Variants in SLC20A2 observed in about 807,000 individuals in gnomAD.
The protein encoded by SLC20A2 is solute carrier family 20 member 2, also known as sodium-dependent phosphate transporter 2.
Under a neutral mutation model 61.0 loss-of-function variants are expected in SLC20A2, and 30 were observed. That is an observed-to-expected ratio of 0.49 (90% CI 0.37 to 0.67). The LOEUF is 0.67. Among genes scored for constraint, SLC20A2 ranks in the 30% least tolerant of loss-of-function variants. The pLI is 0.00. For missense variants in SLC20A2, 626 were observed against 866.4 expected, an observed-to-expected ratio of 0.72 and a Z score of 3.48; for synonymous variants, 351 against 353.3, an observed-to-expected ratio of 0.99 and a Z score of 0.07.
At chr8:42,522,917 G>A (rs1811678197) in intron 1 of SLC20A2, among the ~76,000 whole-genome samples, 2 of 142,652 alleles carry the variant, frequency 1.4e-5, no homozygotes. Context: ...GGTGGGGGGG[G>A]TCTCTCTGTG....
chr8:42,464,442 G>A (rs1209409322), intron 3 of SLC20A2, among the ~76,000 whole-genome samples: 1 of 151,884 alleles, frequency 6.6e-6, no homozygotes, highest in African/African-American at 2.4e-5. Context: ...GTTGAAGGCA[G>A]GGACATAACA....
chr8:42,455,237 A>AT (rs1194959482), intron 5 of SLC20A2, among the ~76,000 whole-genome samples: 122 of 101,072 alleles, frequency 1.2e-3, no homozygotes, highest in Non-Finnish European at 1.6e-3. Flanking sequence ...AAAAAAAAAA[A>AT]AAAAATATAT....
In SLC20A2 at chr8:42,437,055, A is replaced by C; in HGVS notation, c.1457T>G (p.Leu486Arg). 2 of 1,614,122 alleles carry C rather than the reference A, an allele frequency of 1.2e-6. No individual in the cohort carries two copies. The highest frequency in any genetic ancestry group is 1.7e-6 in the Non-Finnish European group (2 of 1,180,022). ...EEKDAPEVHL[L>R]FHFLQVLTAC... ...GGTGAGGACCTGCAGGAAATGGAAC[A>C]GGAGGTGAACCTCGGGTGCGTCCTT... The change falls in exon 8 of 11, where the codon CTG becomes CGG. Residue 486 changes from leucine to arginine, a missense_variant. This residue lies in a region of SLC20A2 where 361 missense variants were observed against 422.3 expected (regional missense o/e 0.85). Transcript: ENST00000520262. This position sits in a 1 kb window ranked among gnomAD's most constrained non-coding sequence, Gnocchi z 6.4.
rs1408952533 is a variant in SLC20A2, at chr8:42,437,665, G to A, written c.935-88C>T. On this transcript the variant is annotated intron_variant, in intron 7 of 10. Transcript: ENST00000520262. This position sits in a 1 kb window ranked among gnomAD's most constrained non-coding sequence, Gnocchi z 6.4. ...GACGGAGCCTTGCTCTGTCCTCAGG[G>A]TGGAGTACAATGGCGCAATCTCGGC... The A allele has an allele frequency of 4.3e-6, 5 of 1,153,980 alleles. No individual in the cohort carries two copies. The highest frequency in any genetic ancestry group is 1.7e-5 in the South Asian group (1 of 58,194). 71.5% of individuals were successfully genotyped at this position (1,153,980 alleles called of 1,614,324 possible).
intron 1 of SLC20A2, among the ~76,000 whole-genome samples, chr8:42,494,724 T>C (rs1563522749): frequency 6.6e-6 from 1 of 152,248 alleles, no homozygotes; most frequent in Non-Finnish European, 1.5e-5. Flanking sequence ...TTTATTCAAC[T>C]ATTAGGTCCA....
chr8:42,514,355 A>C (rs1180415975), intron 1 of SLC20A2, among the ~76,000 whole-genome samples: 1 of 152,234 alleles, frequency 6.6e-6, no homozygotes, highest in Non-Finnish European at 1.5e-5. Context: ...AACAGAGACT[A>C]GGGGAGAACT....
chr8:42,527,036 C>CG (rs1812007900), intron 1 of SLC20A2, among the ~76,000 whole-genome samples: 2 of 149,544 alleles, frequency 1.3e-5, no homozygotes, highest in African/African-American at 4.9e-5. Context: ...GCCTGAGAAT[C>CG]GAGGCTGCAG....
intron 10 of SLC20A2, among the ~76,000 whole-genome samples, chr8:42,424,158 CTG>C (rs2130933941): frequency 6.6e-6 from 1 of 152,358 alleles, no homozygotes; most frequent in East Asian, 1.9e-4. Context: ...ACATGAGCAA[CTG>C]TGCTCAGTAG....
intron 1 of SLC20A2, among the ~76,000 whole-genome samples, chr8:42,490,188 AT>A (rs1471964706): frequency 1.3e-5 from 2 of 152,222 alleles, no homozygotes; most frequent in African/African-American, 4.8e-5. Context: ...TACAATAAAA[AT>A]ATAAACTTAA....
chr8:42,512,269 C>T (rs1379687830), intron 1 of SLC20A2, among the ~76,000 whole-genome samples: 5 of 151,590 alleles, frequency 3.3e-5, no homozygotes, highest in African/African-American at 9.7e-5. Flanking sequence ...GTTTCCCAAA[C>T]TAAGAACCTT....
In SLC20A2 at chr8:42,472,333, A is replaced by G. The variant is rs115993270; in HGVS notation, c.58T>C (p.Leu20=). 4.7e-3 allele frequency: 7,666 copies of G among 1,614,246 alleles called. 44 individuals carry two copies. The highest frequency in any genetic ancestry group is 0.021 in the South Asian group (1,957 of 91,086). The change falls in exon 2 of 11, where the codon TTG becomes CTG. Residue 20 remains leucine (L), a synonymous_variant. Transcript: ENST00000520262. This position sits in a 1 kb window ranked among gnomAD's most constrained non-coding sequence, Gnocchi z 4.1. ...TCGTTTGCACCAACAGAAAAGGCCA[A>G]GATGAAAGCTATGATGAAACCCAAA... The part of the protein sequence containing the change: ...VILGFIIAFI[L]AFSVGANDVA...
At chr8:42,424,949 G>A (rs1439645310) in intron 10 of SLC20A2, among the ~76,000 whole-genome samples, 1 of 152,096 alleles carries the variant, frequency 6.6e-6, no homozygotes, top group Non-Finnish European at 1.5e-5. Context: ...AGGAGGCTGA[G>A]GCAGGAAAAC....
At chr8:42,475,481 C>T (rs1005340351) in intron 1 of SLC20A2, among the ~76,000 whole-genome samples, 4 of 152,114 alleles carry the variant, frequency 2.6e-5, no homozygotes, top group Admixed American at 6.5e-5. Flanking sequence ...GCGATCTTGG[C>T]TCACTGCAAC....
intron 10 of SLC20A2, among the ~76,000 whole-genome samples, chr8:42,424,332 G>C (rs73631760): frequency 0.2 from 29,758 of 151,714 alleles, 6,376 homozygotes; most frequent in African/African-American, 0.54. Context: ...GGGGGTGCGG[G>C]GGGGGATAGT....
chr8:42,455,253 TATATAG>T (rs1438147580), intron 5 of SLC20A2, among the ~76,000 whole-genome samples: 11 of 93,646 alleles, frequency 1.2e-4, no homozygotes, highest in Admixed American at 4.8e-4. Flanking sequence ...TATATATATA[TATATAG>T]AGAGAGAGAG....
In SLC20A2 at chr8:42,485,591, G is replaced by A. The variant is rs571697369; in HGVS notation, c.-264-12937C>T. 8.7e-5 allele frequency among the ~76,000 whole-genome samples: 12 copies of A among 137,588 alleles called. 1 individual carries two copies. The South Asian group carries it at 2.8e-3, about 32-fold the overall frequency. 90.3% of individuals were successfully genotyped at this position (137,588 alleles called of 152,430 possible). A position where few individuals can be genotyped will look rare whatever the true frequency, so the allele number is the denominator to read the frequency against. On this transcript the variant is annotated intron_variant, in intron 1 of 10. Transcript: ENST00000520262. ...CAGGAGGCAGAGGTTGCAGTGAGCC[G>A]AGACCGTGTTATTGCATTCCAGCCT...
intron 1 of SLC20A2, among the ~76,000 whole-genome samples, chr8:42,476,889 G>A (rs764884275): frequency 5.9e-5 from 9 of 152,178 alleles, no homozygotes; most frequent in Non-Finnish European, 1.3e-4. Flanking sequence ...ATTCCCGTCC[G>A]GCCAGCTCCT....
intron 1 of SLC20A2, among the ~76,000 whole-genome samples, chr8:42,493,572 T>C (rs1809685232): frequency 6.6e-6 from 1 of 152,182 alleles, no homozygotes; most frequent in African/African-American, 2.4e-5. Flanking sequence ...AAGTGTTATT[T>C]TAATTGACTT....
intron 4 of SLC20A2, among the ~76,000 whole-genome samples, chr8:42,461,332 G>A (rs1196550070): frequency 1.3e-5 from 2 of 152,080 alleles, no homozygotes; most frequent in African/African-American, 2.4e-5. Flanking sequence ...GACCTATGCC[G>A]TTTCCATGGC....
Sources: gnomAD v4.1 joint callset for allele counts (sites outside exome capture counted in the v4.1 genomes callset) on GRCh38, gnomAD v4.1.1 for gene constraint, gnomAD v4.1.1 regional missense constraint, Gnocchi (gnomAD v3.1) non-coding constraint, MANE v1.5 for transcripts, NCBI Gene and HGNC (gene_info 2026-07-23, HGNC 2026-07-21) for gene names.